SYT1: variants seen among roughly 807,000 people sequenced by gnomAD.
The protein encoded by SYT1 is synaptotagmin-1.
In SYT1, 8 loss-of-function variants were observed where a neutral mutation model predicts 44.8. The ratio of observed to expected loss-of-function variants is 0.18; its 90% CI spans 0.10 to 0.32. The LOEUF is 0.32. SYT1 is among the 10% of genes least tolerant of loss of function. The probability of loss-of-function intolerance (pLI) is 1.00; values close to 1 mark genes in which losing one functional copy is unlikely to be tolerated. For synonymous variants in SYT1, 154 were observed against 188.8 expected (o/e 0.82, Z 1.51); for missense variants, 286 against 509.3 (o/e 0.56, Z 4.22).
At chr12:79,382,278 A>C (rs974848286) in intron 9 of SYT1, among the ~76,000 whole-genome samples, 2 of 152,174 alleles carry the variant, frequency 1.3e-5, no homozygotes, top group Non-Finnish European at 2.9e-5. Flanking sequence ...CCTAGTGTGA[A>C]AGAGAGTGCT....
At chr12:79,200,898 A>AT (rs1214568569) in intron 3 of SYT1, among the ~76,000 whole-genome samples, 3 of 152,146 alleles carry the variant, frequency 2.0e-5, no homozygotes, top group African/African-American at 4.8e-5. Context: ...ATTAAAGGGG[A>AT]TTTTTTGTAA....
chr12:79,275,773 C>A (rs1042660767), intron 4 of SYT1, among the ~76,000 whole-genome samples: 1 of 152,148 alleles, frequency 6.6e-6, no homozygotes, highest in Non-Finnish European at 1.5e-5. Flanking sequence ...GGCCTGAAGG[C>A]TGAACTGTTC....
At position 79,239,056 on chromosome 12, in the gene SYT1, T is replaced by G. The variant is rs186756560; in HGVS notation, c.166+21371T>G. Among the ~76,000 whole-genome samples the G allele has an allele frequency of 9.8e-5, 15 of 152,372 alleles. No homozygotes were observed. The East Asian group carries it at 2.9e-3, about 29-fold the overall frequency. Reference sequence around the variant, plus strand: ...TATATTCTGTGGTGGCAGAAATTGATATTTTGTATGTACTGCTCCTATACA... The same window carrying G: ...TATATTCTGTGGTGGCAGAAATTGAGATTTTGTATGTACTGCTCCTATACA... On this transcript the variant is annotated intron_variant, in intron 4 of 10. Transcript: ENST00000261205.
intron 8 of SYT1, among the ~76,000 whole-genome samples, chr12:79,323,413 TA>T (rs1881460741): frequency 6.6e-6 from 1 of 152,204 alleles, no homozygotes; most frequent in Admixed American, 6.5e-5. Flanking sequence ...GAAAGTCGGA[TA>T]AATGTAACAC....
At chr12:78,916,232 C>G (rs182851781) in intron 1 of SYT1, among the ~76,000 whole-genome samples, 1 of 152,028 alleles carries the variant, frequency 6.6e-6, no homozygotes, top group Admixed American at 6.6e-5. Flanking sequence ...ATAAGATTTT[C>G]TCTTATTTAA....
chr12:79,061,604 T>G (rs1305403436), intron 3 of SYT1, among the ~76,000 whole-genome samples: 1 of 152,104 alleles, frequency 6.6e-6, no homozygotes, highest in African/African-American at 2.4e-5. Context: ...CTGGAATGGA[T>G]GGGCATTTTT....
intron 1 of SYT1, among the ~76,000 whole-genome samples, chr12:78,947,600 T>C (rs1878733998): frequency 6.6e-6 from 1 of 152,036 alleles, no homozygotes. Context: ...AAATTGGTGT[T>C]CCCCAGGCTG....
At chr12:79,395,923 A>C (rs1286527868) in intron 9 of SYT1, among the ~76,000 whole-genome samples, 5 of 152,346 alleles carry the variant, frequency 3.3e-5, no homozygotes, top group African/African-American at 1.2e-4. Context: ...ATTTAGGGAG[A>C]CATCTTTATA....
rs1353224975 is a variant in SYT1, at chr12:79,364,257, A to G, written c.928+10638A>G. The stretch of plus-strand genomic sequence containing the variant: ...CCCACCCCCTTTAATGGTTAAACGA[A>G]AGAAAAACAGACTATCTCCAAGAGA... On this transcript the variant is annotated intron_variant, in intron 9 of 10. Transcript: ENST00000261205. Among the ~76,000 whole-genome samples, 7 of 151,562 alleles carry G rather than the reference A, an allele frequency of 4.6e-5. No homozygotes were observed. In the East Asian group the frequency reaches 1.4e-3, roughly 29 times the overall value.
Position 79,285,853 on chromosome 12 carries a change from G to T in SYT1, c.233G>T (p.Cys78Phe). The T allele has an allele frequency of 6.2e-7, 1 of 1,613,748 alleles. No individual in the cohort carries two copies. Among genetic ancestry groups the T allele is most frequent in the Non-Finnish European group, 8.5e-7 (1 of 1,179,906 alleles). Reference protein sequence around the residue: ...AVLLVLTCCFCICKKCLFKKK... With the variant: ...AVLLVLTCCFFICKKCLFKKK... ...CTTTTAGTCCTGACCTGCTGCTTTTGTATCTGTAAGAAATGTTTGTTCAAA... is the reference window on the plus strand; with the variant it reads ...CTTTTAGTCCTGACCTGCTGCTTTTTTATCTGTAAGAAATGTTTGTTCAAA... The change falls in exon 5 of 11, where the codon TGT becomes TTT. Residue 78 changes from cysteine (C) to phenylalanine (F), a missense_variant. By Grantham distance (205) the Cys-to-Phe change is radical (BLOSUM62 -2). This residue lies in a region of SYT1 where 141 missense variants were observed against 165.7 expected (regional missense o/e 0.85). Transcript: ENST00000261205.
intron 3 of SYT1, among the ~76,000 whole-genome samples, chr12:79,079,654 A>G (rs1592729264): frequency 1.3e-5 from 2 of 152,096 alleles, no homozygotes; most frequent in East Asian, 3.9e-4. Context: ...GCAATGTTCT[A>G]TATCAACCAC....
intron 9 of SYT1, among the ~76,000 whole-genome samples, chr12:79,399,269 A>G (rs1198174319): frequency 6.7e-6 from 1 of 150,276 alleles, no homozygotes; most frequent in East Asian, 2.0e-4. Context: ...CATTGAAACA[A>G]GTCATCTGCA....
At position 79,188,926 on chromosome 12, in the gene SYT1, A is replaced by C. The variant is rs566908572; in HGVS notation, c.-17-28577A>C. Among the ~76,000 whole-genome samples the C allele has an allele frequency of 2.5e-4, 38 of 149,806 alleles. No homozygotes were observed. The South Asian group carries it at 7.8e-3, about 31-fold the overall frequency. On this transcript the variant is annotated intron_variant, in intron 3 of 10. Transcript: ENST00000261205. ...AGTCCCACTTTATTATTCTTATAAA[A>C]ACCAAAGATCTGAGTATCAAATCAC...
chr12:79,362,754 G>C (rs1883367793), intron 9 of SYT1, among the ~76,000 whole-genome samples: 1 of 152,148 alleles, frequency 6.6e-6, no homozygotes, highest in Non-Finnish European at 1.5e-5. Flanking sequence ...ACTAGAATCA[G>C]GAAGTCACCT....
chr12:79,362,376 A>T (rs1339421113), intron 9 of SYT1, among the ~76,000 whole-genome samples: 3 of 152,170 alleles, frequency 2.0e-5, no homozygotes, highest in Non-Finnish European at 4.4e-5. Flanking sequence ...GAAAAATGTC[A>T]CATAGAACCA....
At chr12:79,085,331 G>A (rs144538845) in intron 3 of SYT1, among the ~76,000 whole-genome samples, 25 of 152,126 alleles carry the variant, frequency 1.6e-4, no homozygotes, top group African/African-American at 6.0e-4. Flanking sequence ...ACAGTTTCAA[G>A]TTTTGAAGCA....
rs1880029633 is a variant in SYT1 at position 79,299,480 on chromosome 12, C to G, written c.739C>G (p.Pro247Ala). ...TGACATCATTGGAGAATTTAAAGTC[C>G]CTATGAACACAGTGGATTTTGGCCA... is the stretch of plus-strand genomic sequence containing the variant. ...KHDIIGEFKV[P>A]MNTVDFGHVT... Residue 247 changes from proline (P) to alanine (A), a missense_variant, in exon 8 of 11, where the codon CCT (proline) becomes GCT (alanine). By Grantham distance (27) the Pro-to-Ala change is conservative. Transcript: ENST00000261205. The G allele has an allele frequency of 6.2e-7, 1 of 1,613,262 alleles. No individual in the cohort carries two copies. Among genetic ancestry groups the G allele is most frequent in the East Asian group, 2.2e-5 (1 of 44,870 alleles).
In SYT1 at chr12:79,218,398, C is replaced by A. The variant is rs148880196; in HGVS notation, c.166+713C>A. On this transcript the variant is annotated intron_variant, in intron 4 of 10. Transcript: ENST00000261205. ...TATGCATATGTCAGTTAGCAGGATTCAGTTATTCCACAATGTATCAAAATA... is the reference window on the plus strand; with the variant it reads ...TATGCATATGTCAGTTAGCAGGATTAAGTTATTCCACAATGTATCAAAATA... Among the ~76,000 whole-genome samples, 619 of 152,264 alleles carry A rather than the reference C, an allele frequency of 4.1e-3. 3 individuals carry two copies. Among genetic ancestry groups the A allele is most frequent in the African/African-American group, 0.014 (583 of 41,544 alleles).
At chr12:78,954,617 A>T (rs937902164) in intron 1 of SYT1, among the ~76,000 whole-genome samples, 1 of 152,114 alleles carries the variant, frequency 6.6e-6, no homozygotes, top group Non-Finnish European at 1.5e-5. Context: ...TTTGTTGTGC[A>T]TATGATATTT....
Sources: gnomAD v4.1 joint callset for allele counts (sites outside exome capture counted in the v4.1 genomes callset) on GRCh38, gnomAD v4.1.1 for gene constraint, gnomAD v4.1.1 regional missense constraint, MANE v1.5 for transcripts, NCBI Gene and HGNC (gene_info 2026-07-23, HGNC 2026-07-21) for gene names.